ACTR3C: variants seen among roughly 807,000 people sequenced by gnomAD.
ACTR3C encodes actin-related protein 3C.
Under a neutral mutation model 26.3 loss-of-function variants are expected in ACTR3C, and 18 were observed. That is an observed-to-expected ratio of 0.68 (90% CI 0.47 to 1.01). The LOEUF is 1.01. Among genes scored for constraint, ACTR3C ranks in the 50% least tolerant of loss-of-function variants. ACTR3C has a pLI of 0.00. For missense variants in ACTR3C, 184 were observed against 250.7 expected (o/e 0.73, Z 1.80); for synonymous variants, 55 against 94.5 (o/e 0.58, Z 2.42).
the ACTR3C span, among the ~76,000 whole-genome samples, chr7:150,064,227 A>T: frequency 6.8e-6 from 1 of 148,090 alleles, no homozygotes; most frequent in African/African-American, 2.5e-5. Flanking sequence ...TGTAAGCAAG[A>T]CATTTGAAGC....
the ACTR3C span, among the ~76,000 whole-genome samples, chr7:150,180,674 G>A: frequency 3.4e-5 from 5 of 148,218 alleles, no homozygotes; most frequent in African/African-American, 7.8e-5. Context: ...CACCACGCCT[G>A]GCTAATTTTT....
At chr7:150,114,695 T>C in the ACTR3C span, among the ~76,000 whole-genome samples, 1 of 152,332 alleles carries the variant, frequency 6.6e-6, no homozygotes, top group East Asian at 1.9e-4. Context: ...GGGATGTAGG[T>C]CAGACATCAG....
chr7:150,156,455 T>G, the ACTR3C span, among the ~76,000 whole-genome samples: 11 of 151,992 alleles, frequency 7.2e-5, no homozygotes, highest in South Asian at 2.1e-4. Flanking sequence ...GAAATAAAAA[T>G]GAAAGTTGAT....
intron 4 of ACTR3C, among the ~76,000 whole-genome samples, chr7:150,288,341 A>T (rs1835946017): frequency 6.7e-6 from 1 of 148,690 alleles, no homozygotes; most frequent in African/African-American, 2.5e-5. Context: ...ATCCTGGCGG[A>T]AATAGGGAGG....
intron 6 of ACTR3C, 46 bp downstream of exon 6, chr7:150,284,707 T>G: frequency 6.7e-7 from 1 of 1,489,378 alleles, no homozygotes; most frequent in South Asian, 1.3e-5. Context: ...TTATGGGCCT[T>G]TAATTGTGGA....
chr7:150,281,695 G>A (rs777054502), intron 6 of ACTR3C, among the ~76,000 whole-genome samples: 15 of 152,142 alleles, frequency 9.9e-5, no homozygotes, highest in Non-Finnish European at 1.9e-4. Context: ...GCCTGAGGAG[G>A]GTCCGCAGAT....
At chr7:150,319,361 C>T (rs1797258862) in intron 1 of ACTR3C, among the ~76,000 whole-genome samples, 1 of 152,188 alleles carries the variant, frequency 6.6e-6, no homozygotes. Flanking sequence ...GCATGCACCA[C>T]CATGCCTAGC....
the ACTR3C span, among the ~76,000 whole-genome samples, chr7:149,918,021 A>G: frequency 6.6e-6 from 1 of 152,178 alleles, no homozygotes; most frequent in African/African-American, 2.4e-5. Flanking sequence ...TACATGACCA[A>G]TTTTTTTAAT....
chr7:149,937,317 G>A, the ACTR3C span, among the ~76,000 whole-genome samples: 128,280 of 141,550 alleles, frequency 0.91, 58,673 homozygotes, highest in Non-Finnish European at 0.98. Flanking sequence ...AGAGGCGGAG[G>A]CTTTATTTTT....
chr7:150,307,366 G>A (rs1429871157), intron 1 of ACTR3C, among the ~76,000 whole-genome samples: 1 of 152,218 alleles, frequency 6.6e-6, no homozygotes, highest in Non-Finnish European at 1.5e-5. Flanking sequence ...AAAACAGCCA[G>A]TTCCTGCCTT....
At chr7:150,080,534 T>C in the ACTR3C span, among the ~76,000 whole-genome samples, 1 of 138,578 alleles carries the variant, frequency 7.2e-6, no homozygotes, top group Non-Finnish European at 1.6e-5. Context: ...TGTATGTGTG[T>C]GTGTGTGTGT....
the ACTR3C span, among the ~76,000 whole-genome samples, chr7:150,205,935 G>C: frequency 6.6e-6 from 1 of 151,950 alleles, no homozygotes; most frequent in East Asian, 1.9e-4. Flanking sequence ...GGGAGTGAGA[G>C]TAAAAATGGG....
chr7:149,930,783 A>C, the ACTR3C span, among the ~76,000 whole-genome samples: 1 of 152,186 alleles, frequency 6.6e-6, no homozygotes, highest in Non-Finnish European at 1.5e-5. Context: ...ACATACTTAA[A>C]ATTTTTGTAT....
chr7:149,993,490 T>C, the ACTR3C span, among the ~76,000 whole-genome samples: 1 of 152,164 alleles, frequency 6.6e-6, no homozygotes, highest in Non-Finnish European at 1.5e-5. Flanking sequence ...ACCCAGATGT[T>C]TTAGGAGAAC....
the ACTR3C span, among the ~76,000 whole-genome samples, chr7:149,916,944 A>G: frequency 3.9e-5 from 6 of 152,228 alleles, no homozygotes; most frequent in African/African-American, 1.4e-4. Flanking sequence ...CTCAAAATTC[A>G]AAGCAATATA....
chr7:150,128,271 T>C, the ACTR3C span, among the ~76,000 whole-genome samples: 1 of 152,224 alleles, frequency 6.6e-6, no homozygotes, highest in Admixed American at 6.5e-5. Context: ...TCTGAAGATA[T>C]TGGAAGTACT....
At chr7:150,164,958 C>T in the ACTR3C span, among the ~76,000 whole-genome samples, 1 of 152,172 alleles carries the variant, frequency 6.6e-6, no homozygotes, top group Non-Finnish European at 1.5e-5. Context: ...CCTCATTTAA[C>T]CCTCCTGGGG....
the ACTR3C span, among the ~76,000 whole-genome samples, chr7:149,961,719 A>C: frequency 6.6e-6 from 1 of 152,104 alleles, no homozygotes; most frequent in Non-Finnish European, 1.5e-5. Context: ...CACAGATAGG[A>C]AGTGTGTGCT....
At chr7:149,985,357 A>T in the ACTR3C span, among the ~76,000 whole-genome samples, 1 of 151,998 alleles carries the variant, frequency 6.6e-6, no homozygotes, top group Non-Finnish European at 1.5e-5. Context: ...ATAAATCATG[A>T]TTTACTCTCA....
Sources: gnomAD v4.1 joint callset for allele counts (sites outside exome capture counted in the v4.1 genomes callset) on GRCh38, gnomAD v4.1.1 for gene constraint, MANE v1.5 for transcripts, NCBI Gene and HGNC (gene_info 2026-07-23, HGNC 2026-07-21) for gene names.